SYT1: variants seen among roughly 807,000 people sequenced by gnomAD.
SYT1 encodes the protein synaptotagmin-1.
Under a neutral mutation model 44.8 loss-of-function variants are expected in SYT1, and 8 were observed. That is an observed-to-expected ratio of 0.18 (90% CI 0.10 to 0.32). The LOEUF (loss-of-function observed/expected upper bound fraction) is 0.32. Among genes scored for constraint, SYT1 ranks in the 10% least tolerant of loss-of-function variants. The pLI is 1.00. For missense variants in SYT1, 286 were observed against 509.3 expected (o/e 0.56, Z 4.22); for synonymous variants, 154 against 188.8 (o/e 0.82, Z 1.51).
intron 9 of SYT1, among the ~76,000 whole-genome samples, chr12:79,401,572 A>T (rs907668825): frequency 2.6e-5 from 4 of 152,208 alleles, no homozygotes; most frequent in African/African-American, 9.6e-5. Context: ...TTCTGTAGAA[A>T]GAATTTTACT....
At chr12:79,350,869 C>A (rs1476561809) in intron 8 of SYT1, among the ~76,000 whole-genome samples, 4 of 151,980 alleles carry the variant, frequency 2.6e-5, no homozygotes, top group Non-Finnish European at 4.4e-5. Context: ...TTGTTGATGC[C>A]CATAAAGGAC....
intron 2 of SYT1, among the ~76,000 whole-genome samples, chr12:79,041,439 G>A (rs1172601423): frequency 6.6e-6 from 1 of 151,010 alleles, no homozygotes; most frequent in African/African-American, 2.4e-5. Context: ...TGTTGTTGGT[G>A]TATAAGAATG....
chr12:79,137,992 T>G (rs1869309788), intron 3 of SYT1, among the ~76,000 whole-genome samples: 1 of 152,220 alleles, frequency 6.6e-6, no homozygotes, highest in Admixed American at 6.5e-5. Context: ...ATGTCCTTTC[T>G]TAAACCCCAG....
chr12:79,034,494 T>C (rs1457425648), intron 2 of SYT1, among the ~76,000 whole-genome samples: 1 of 151,714 alleles, frequency 6.6e-6, no homozygotes, highest in Admixed American at 6.6e-5. Context: ...ACAAACAGAA[T>C]TGAATTTAGA....
chr12:79,266,948 T>C (rs1480461726), intron 4 of SYT1, among the ~76,000 whole-genome samples: 3 of 152,188 alleles, frequency 2.0e-5, no homozygotes, highest in Non-Finnish European at 2.9e-5. Context: ...GAATCTTCCC[T>C]TTCATGACTG....
chr12:79,319,624 A>T (rs955564229), intron 8 of SYT1, among the ~76,000 whole-genome samples: 1 of 152,126 alleles, frequency 6.6e-6, no homozygotes, highest in African/African-American at 2.4e-5. Flanking sequence ...CCGCAACACC[A>T]CACAGTACCA....
chr12:78,866,909 C>A lies in SYT1; in HGVS notation c.-217+1800C>A, dbSNP rs928347860. On this transcript the variant is annotated intron_variant, in intron 1 of 10. Transcript: ENST00000261205. The stretch of plus-strand genomic sequence containing the variant: ...TACGTTTAATATATAAGTTTACACA[C>A]CAACTTAGAGAAGAGCTGAATTCAT... 2.0e-5 allele frequency among the ~76,000 whole-genome samples: 3 copies of A among 152,052 alleles called. No individual in the cohort carries two copies. The East Asian group carries it at 5.8e-4, about 29-fold the overall frequency.
At chr12:79,224,111 A>G (rs1050813474) in intron 4 of SYT1, among the ~76,000 whole-genome samples, 1 of 152,028 alleles carries the variant, frequency 6.6e-6, no homozygotes, top group Admixed American at 6.5e-5. Flanking sequence ...CAAACTTATG[A>G]TTTTGTGGGA....
intron 3 of SYT1, among the ~76,000 whole-genome samples, chr12:79,179,288 A>C (rs11609705): frequency 3.3e-4 from 40 of 122,924 alleles, no homozygotes; most frequent in African/African-American, 1.1e-3. Context: ...ATAGATATAT[A>C]GATACAGATT....
intron 2 of SYT1, among the ~76,000 whole-genome samples, chr12:78,983,523 T>C (rs555080926): frequency 6.6e-6 from 1 of 152,196 alleles, no homozygotes; most frequent in African/African-American, 2.4e-5. Context: ...TCCTCTAGGA[T>C]CCCTAGCTTA....
intron 6 of SYT1, among the ~76,000 whole-genome samples, chr12:79,292,826 A>G (rs1379172445): frequency 6.6e-6 from 1 of 152,176 alleles, no homozygotes; most frequent in African/African-American, 2.4e-5. Flanking sequence ...AATATTGGCT[A>G]CCTTTTATTG....
At chr12:79,190,428 A>G (rs575584225) in intron 3 of SYT1, among the ~76,000 whole-genome samples, 11 of 152,274 alleles carry the variant, frequency 7.2e-5, no homozygotes, top group Non-Finnish European at 1.3e-4. Context: ...ATTGACATCA[A>G]AACACCCACA....
intron 1 of SYT1, among the ~76,000 whole-genome samples, chr12:78,971,527 T>C (rs1247117855): frequency 1.3e-5 from 2 of 152,166 alleles, no homozygotes; most frequent in African/African-American, 4.8e-5. Flanking sequence ...TTCTGAACAA[T>C]TCACAAAGAA....
At chr12:79,349,239 A>G (rs1882783725) in intron 8 of SYT1, among the ~76,000 whole-genome samples, 1 of 152,106 alleles carries the variant, frequency 6.6e-6, no homozygotes, top group African/African-American at 2.4e-5. Flanking sequence ...CTTGAGAGAC[A>G]TTTACAAAAT....
At chr12:79,336,320 C>T (rs1882088258) in intron 8 of SYT1, among the ~76,000 whole-genome samples, 1 of 152,138 alleles carries the variant, frequency 6.6e-6, no homozygotes, top group Admixed American at 6.6e-5. Flanking sequence ...ACTGCTTTCC[C>T]CACGATTCCT....
intron 6 of SYT1, among the ~76,000 whole-genome samples, chr12:79,294,683 G>A (rs1879794045): frequency 6.6e-6 from 1 of 152,038 alleles, no homozygotes; most frequent in Admixed American, 6.5e-5. Flanking sequence ...AAAAAGTGAG[G>A]ATGAGGAAGT....
intron 3 of SYT1, among the ~76,000 whole-genome samples, chr12:79,163,654 C>G (rs74974964): frequency 0.01 from 1,581 of 152,154 alleles, 30 homozygotes; most frequent in African/African-American, 0.036. Context: ...TATTGCCGTT[C>G]TCGTTCCTCT....
intron 3 of SYT1, among the ~76,000 whole-genome samples, chr12:79,116,544 A>T (rs1002409085): frequency 6.6e-6 from 1 of 152,182 alleles, no homozygotes; most frequent in Non-Finnish European, 1.5e-5. Context: ...TTAATATAAC[A>T]TGCCCAACGT....
chr12:79,087,016 A>G (rs1877426790), intron 3 of SYT1, among the ~76,000 whole-genome samples: 1 of 152,186 alleles, frequency 6.6e-6, no homozygotes, highest in Non-Finnish European at 1.5e-5. Flanking sequence ...AGTATAAAAA[A>G]CCAGAGTTAC....
Sources: gnomAD v4.1 joint callset for allele counts (sites outside exome capture counted in the v4.1 genomes callset) on GRCh38, gnomAD v4.1.1 for gene constraint, MANE v1.5 for transcripts, NCBI Gene and HGNC (gene_info 2026-07-23, HGNC 2026-07-21) for gene names.